Variants in SEC16A observed in about 807,000 individuals in gnomAD.
SEC16A encodes protein transport protein Sec16A.
In SEC16A, 110 loss-of-function variants were observed where a neutral mutation model predicts 221.9. That is an observed-to-expected ratio of 0.50 (90% CI 0.42 to 0.58). SEC16A has a LOEUF of 0.58. Among genes scored for constraint, SEC16A ranks in the 20% least tolerant of loss-of-function variants. SEC16A has a pLI of 0.00. For synonymous variants in SEC16A, 1,393 were observed against 1,257.7 expected (o/e 1.11, Z -2.28); for missense variants, 3,165 against 3,097.8 (o/e 1.02, Z -0.52).
chr9:136,461,650 C>T (rs1377484733), intron 12 of SEC16A, among the ~76,000 whole-genome samples: 4 of 152,194 alleles, frequency 2.6e-5, no homozygotes, highest in Non-Finnish European at 5.9e-5. Context: ...CCTGTCAACA[C>T]GGAGAGTGAC....
chr9:136,464,367 G>T, intron 9 of SEC16A, 53 bp downstream of exon 9: 1 of 1,525,506 alleles, frequency 6.6e-7, no homozygotes. Context: ...GCAAAGCAGA[G>T]AGTTCCCCAG....
Position 136,474,959 on chromosome 9 carries a change from G to C in SEC16A, c.2657C>G (p.Ser886Cys). 6.2e-7 allele frequency: 1 copy of C among 1,613,796 alleles called. No individual in the cohort carries two copies. Among genetic ancestry groups the C allele is most frequent in the Non-Finnish European group, 8.5e-7 (1 of 1,179,870 alleles). The part of the protein sequence containing the change: ...GGDSGENTSL[S>C]GIPTSSVLSL... The stretch of plus-strand genomic sequence containing the variant: ...AAGGACAGAGCTGGTTGGAATCCCA[G>C]ACAAAGAAGTGTTCTCCCCAGAATC... The change falls in exon 3 of 32, where the codon TCT becomes TGT. Residue 886 changes from serine to cysteine, a missense_variant. Physicochemically the swap from Ser to Cys is moderately radical, Grantham distance 112 (BLOSUM62 -1). Transcript: ENST00000684901.
At chr9:136,483,883 G>A (rs1244585867), upstream of SEC16A, 2 of 853,412 alleles carry the variant, frequency 2.3e-6, no homozygotes, top group African/African-American at 1.8e-5. Flanking sequence ...TGGTTACGGC[G>A]TGGCCGCGGG....
upstream of SEC16A, chr9:136,483,885 G>T: frequency 1.1e-5 from 9 of 847,840 alleles, no homozygotes; most frequent in Non-Finnish European, 1.3e-5. Context: ...GTTACGGCGT[G>T]GCCGCGGGCA....
chr9:136,483,389 C>G (rs1485054039), upstream of SEC16A: 6 of 690,326 alleles, frequency 8.7e-6, no homozygotes, highest in Non-Finnish European at 1.1e-5. Context: ...CCCCCTTAGC[C>G]CCGCCCGTCG....
Position 136,472,007 on chromosome 9 carries a change from T to G in SEC16A, c.3672A>C (p.Arg1224=), listed in dbSNP as rs1480871171. Reference sequence around the variant, plus strand: ...GTGGCCGTTCCGAGGAGTGGCTGGCTCGGGAGCTGGGCCGCTCGGGCTCGG... The same window carrying G: ...GTGGCCGTTCCGAGGAGTGGCTGGCGCGGGAGCTGGGCCGCTCGGGCTCGG... ...RYPEPERPSS[R]ASHSSERPPP... The change falls in exon 4 of 32, where the codon CGA becomes CGC. Residue 1224 remains arginine, a synonymous_variant. Transcript: ENST00000684901. The G allele has an allele frequency of 1.2e-6, 2 of 1,611,570 alleles. No homozygotes were observed. The highest frequency in any genetic ancestry group is 1.7e-6 in the Non-Finnish European group (2 of 1,179,832).
At position 136,455,466 on chromosome 9, in the gene SEC16A, C is replaced by T. The variant is rs906888190; in HGVS notation, c.5857+135G>A. ...GGAGACCGAGGAGCCCCACAACCAC[C>T]GAGGTGGTGTGAGACACTGCCTCCA... On this transcript the variant is annotated intron_variant, in intron 20 of 31. Transcript: ENST00000684901. The T allele has an allele frequency of 3.8e-5, 31 of 814,056 alleles. No individual in the cohort carries two copies. The East Asian group carries it at 4.7e-4, about 12-fold the overall frequency. 50.4% of individuals were successfully genotyped at this position (814,056 alleles called of 1,614,324 possible).
chr9:136,455,042 G>C (rs1434732221), intron 20 of SEC16A, among the ~76,000 whole-genome samples: 1 of 152,216 alleles, frequency 6.6e-6, no homozygotes, highest in Non-Finnish European at 1.5e-5. Flanking sequence ...GAGATGGAGA[G>C]TCTGGAGGGT....
Position 136,455,598 on chromosome 9 carries a change from C to A in SEC16A, c.5857+3G>T. The A allele has an allele frequency of 6.4e-7, 1 of 1,555,246 alleles. No homozygotes were observed. Among genetic ancestry groups the A allele is most frequent in the Non-Finnish European group, 8.7e-7 (1 of 1,153,112 alleles). On this transcript the variant is annotated splice_donor_region_variant and intron_variant, in intron 20 of 31. Transcript: ENST00000684901. ...AGGGCAGCAGCCGCGCACCTGGGCT[C>A]ACCTGAGGGCAGCAGCCGCACGCTC...
In SEC16A at chr9:136,447,176, G is replaced by A. The variant is rs1040573239; in HGVS notation, c.6697+51C>T. 18 of 1,563,490 alleles carry A rather than the reference G, an allele frequency of 1.2e-5. No homozygotes were observed. The African/African-American group carries it at 2.4e-4, about 21-fold the overall frequency. ...AGAGACTCATAGAAAGAGGATCAAA[G>A]GTCAGGAGACTGGGGGCTGACCTGG... On this transcript the variant is annotated intron_variant, in intron 27 of 31. Coordinates refer to ENST00000684901, the MANE Select transcript of SEC16A (RefSeq NM_014866.2). The surrounding 1 kb of genome is among the most constrained non-coding windows in gnomAD (Gnocchi z 5.5).
chr9:136,461,027 A>T (rs1357603203), intron 13 of SEC16A, 150 bp downstream of exon 13: 2 of 640,098 alleles, frequency 3.1e-6, no homozygotes, highest in Non-Finnish European at 5.7e-6. Flanking sequence ...CGACCCAAGG[A>T]AGCCTCGAGG....
chr9:136,476,087 T>G lies in SEC16A; in HGVS notation c.1529A>C (p.Asp510Ala), dbSNP rs746520963. Reference protein sequence around the residue: ...HGAVCHTGAPDATLHTVHPDS... With the variant: ...HGAVCHTGAPAATLHTVHPDS... ...AGGGTGCACTGTATGCAGTGTGGCATCAGGGGCTCCGGTGTGGCACACAGC... is the reference window on the plus strand; with the variant it reads ...AGGGTGCACTGTATGCAGTGTGGCAGCAGGGGCTCCGGTGTGGCACACAGC... Residue 510 changes from aspartate to alanine, a missense_variant, in exon 3 of 32, where the codon GAT (aspartate) becomes GCT (alanine). Physicochemically the swap from Asp to Ala is moderately radical, Grantham distance 126. Transcript: ENST00000684901. 3 of 1,613,584 alleles carry G rather than the reference T, an allele frequency of 1.9e-6. No individual in the cohort carries two copies. The highest frequency in any genetic ancestry group is 2.5e-6 in the Non-Finnish European group (3 of 1,179,870).
intron 23 of SEC16A, among the ~76,000 whole-genome samples, chr9:136,450,655 G>C (rs555721130): frequency 9.9e-5 from 15 of 152,158 alleles, no homozygotes; most frequent in Admixed American, 2.0e-4. Flanking sequence ...AACCGGCACT[G>C]CCCAGTATTG....
chr9:136,455,554 G>A, intron 20 of SEC16A, 47 bp downstream of exon 20: 2 of 1,494,624 alleles, frequency 1.3e-6, no homozygotes, highest in South Asian at 2.6e-5. Context: ...TCAGCCCACA[G>A]GAAGCAGGGG....
Position 136,456,143 on chromosome 9 carries a change from G to A in SEC16A, c.5574C>T (p.Phe1858=), listed in dbSNP as rs17610266. The A allele has an allele frequency of 0.037, 60,340 of 1,612,018 alleles. 1,339 individuals are homozygous for A. Among genetic ancestry groups the A allele is most frequent in the Non-Finnish European group, 0.043 (51,098 of 1,179,526 alleles). The change falls in exon 19 of 32, where the codon TTC becomes TTT. Residue 1858 remains phenylalanine, a synonymous_variant. Transcript: ENST00000684901. ...LVQMASQLRL[F]DPQLKEKPEE... is the part of the protein sequence containing the mutation. ...CTGGCTTCTCTTTCAGCTGGGGATC[G>A]AAGAGTCGTAACTGGGAAGCCATCT...
intron 4 of SEC16A, among the ~76,000 whole-genome samples, chr9:136,471,375 G>A (rs1840847989): frequency 6.6e-6 from 1 of 152,174 alleles, no homozygotes; most frequent in Non-Finnish European, 1.5e-5. Flanking sequence ...TCGGGAGGTT[G>A]AAGTGGGAAG....
intron 18 of SEC16A, among the ~76,000 whole-genome samples, chr9:136,457,177 TA>T (rs1008652599): frequency 3.9e-5 from 6 of 152,314 alleles, no homozygotes; most frequent in African/African-American, 1.4e-4. Context: ...TGCGTCTCAA[TA>T]AAAGAAGAGT....
At position 136,459,580 on chromosome 9, in the gene SEC16A, G is replaced by A. The variant is rs763764111; in HGVS notation, c.5192-25C>T. On this transcript the variant is annotated intron_variant, in intron 15 of 31. Transcript: ENST00000684901. The surrounding 1 kb of genome is among the most constrained non-coding windows in gnomAD (Gnocchi z 6.1). ...GCTGCGGAGAGACGACACGACACACGGCGGGGGCTCAGCGACCGGGAGCGC... is the reference window on the plus strand; with the variant it reads ...GCTGCGGAGAGACGACACGACACACAGCGGGGGCTCAGCGACCGGGAGCGC... 339 of 1,542,192 alleles carry A rather than the reference G, an allele frequency of 2.2e-4. 2 individuals are homozygous for A. In the Middle Eastern group the frequency reaches 4.9e-3, roughly 22 times the overall value.
chr9:136,459,863 G>A lies in SEC16A; in HGVS notation c.5085C>T (p.Asp1695=), dbSNP rs769186718. 3.0e-5 allele frequency: 49 copies of A among 1,612,886 alleles called. No homozygotes were observed. The highest frequency in any genetic ancestry group is 4.5e-5 in the East Asian group (2 of 44,890). Residue 1695 remains aspartate (D), a synonymous_variant, in exon 15 of 32, where the codon GAC becomes GAT. Transcript: ENST00000684901. This position sits in a 1 kb window ranked among gnomAD's most constrained non-coding sequence, Gnocchi z 6.1. ...GCGGCCTCCAATCTCCCCATTTCTCGTCTCCACAGCACTAACATGAGGAAA... is the reference window on the plus strand; with the variant it reads ...GCGGCCTCCAATCTCCCCATTTCTCATCTCCACAGCACTAACATGAGGAAA... ...RMPAASTCCG[D]EKWGDWRPHL...
Sources: allele counts gnomAD v4.1 joint callset (sites outside exome capture counted in the v4.1 genomes callset), GRCh38; gene constraint gnomAD v4.1.1; non-coding constraint Gnocchi (gnomAD v3.1); transcripts MANE v1.5; gene names NCBI Gene and HGNC (gene_info 2026-07-23, HGNC 2026-07-21).